Variants in ETS1 observed in about 807,000 individuals in gnomAD.
ETS1 encodes protein C-ets-1.
A neutral mutation model predicts 58.6 loss-of-function variants in ETS1; 15 were observed. The observed-to-expected ratio is 0.26, with a 90% CI of 0.17 to 0.39. The LOEUF is 0.39. Among genes scored for constraint, ETS1 ranks in the 10% least tolerant of loss-of-function variants. The pLI is 1.00. For missense variants in ETS1, 417 were observed against 610.5 expected, an observed-to-expected ratio of 0.68 and a Z score of 3.34; for synonymous variants, 214 against 218.2, an observed-to-expected ratio of 0.98 and a Z score of 0.17.
chr11:128,526,209 C>G (rs983340253), intron 3 of ETS1: 1 of 152,092 alleles, frequency 6.6e-6, no homozygotes, highest in Non-Finnish European at 1.5e-5. Flanking sequence ...GCCTGTTTGC[C>G]CTGGAAAGCT....
intron 3 of ETS1, among the ~76,000 whole-genome samples, chr11:128,509,075 A>G (rs1863319798): frequency 6.6e-6 from 1 of 152,186 alleles, no homozygotes; most frequent in African/African-American, 2.4e-5. Flanking sequence ...CGGTTCACCC[A>G]GCACCCCAGA....
intron 3 of ETS1, among the ~76,000 whole-genome samples, chr11:128,538,585 G>C (rs957489822): frequency 6.6e-6 from 1 of 152,126 alleles, no homozygotes; most frequent in African/African-American, 2.4e-5. Context: ...AAATCTCCCT[G>C]CCTGAAAAAT....
chr11:128,502,359 C>T (rs111623709), intron 3 of ETS1, among the ~76,000 whole-genome samples: 1 of 152,214 alleles, frequency 6.6e-6, no homozygotes, highest in African/African-American at 2.4e-5. Flanking sequence ...CTGCTCTGCC[C>T]AGCCCAAAGC....
chr11:128,521,800 G>T (rs1863678948), intron 3 of ETS1: 1 of 756,422 alleles, frequency 1.3e-6, no homozygotes, highest in Non-Finnish European at 2.1e-6. Flanking sequence ...AGCATCCCCC[G>T]CTCCTGAAGA....
intron 3 of ETS1, among the ~76,000 whole-genome samples, chr11:128,490,885 G>C (rs1484753257): frequency 6.6e-6 from 1 of 151,544 alleles, no homozygotes; most frequent in Non-Finnish European, 1.5e-5. Context: ...TGCCCAGCTA[G>C]TTTTTTTTAT....
rs151123014 is a variant in ETS1 at position 128,547,459 on chromosome 11, T to C, written c.214+8832A>G. 6.5e-3 allele frequency among the ~76,000 whole-genome samples: 996 copies of C among 152,232 alleles called. 4 individuals are homozygous for C. The highest frequency in any genetic ancestry group is 9.8e-3 in the Non-Finnish European group (669 of 67,998). ...AAGACATGGCAGAAAGTTGTCAAGA[T>C]TGATGTTTTAAAAATGTATGAGGTA... On this transcript the variant is annotated intron_variant, in intron 3 of 9. Transcript: ENST00000392668.
chr11:128,567,547 T>C (rs1864528438), intron 2 of ETS1, among the ~76,000 whole-genome samples: 1 of 152,220 alleles, frequency 6.6e-6, no homozygotes, highest in Non-Finnish European at 1.5e-5. Flanking sequence ...ATAGGGACCA[T>C]GTTTTAAGAG....
At chr11:128,485,589 T>C (rs753573550) in intron 6 of ETS1, among the ~76,000 whole-genome samples, 3 of 152,176 alleles carry the variant, frequency 2.0e-5, no homozygotes, top group Non-Finnish European at 4.4e-5. Flanking sequence ...TTCAGTATGG[T>C]TGGGTATCTT....
chr11:128,528,381 A>G (rs192807297), intron 3 of ETS1, among the ~76,000 whole-genome samples: 1 of 152,318 alleles, frequency 6.6e-6, no homozygotes, highest in Non-Finnish European at 1.5e-5. Flanking sequence ...TCTAGGCAGA[A>G]TATAGAGTGT....
intron 2 of ETS1, among the ~76,000 whole-genome samples, chr11:128,568,238 C>T (rs887112279): frequency 1.8e-4 from 27 of 152,188 alleles, no homozygotes; most frequent in African/African-American, 5.3e-4. Flanking sequence ...CTCCTCCGCA[C>T]ATCCTCCTTG....
At chr11:128,480,732 C>T (rs557149999) in intron 7 of ETS1, among the ~76,000 whole-genome samples, 4 of 152,246 alleles carry the variant, frequency 2.6e-5, no homozygotes, top group African/African-American at 7.2e-5. Flanking sequence ...TCACATCTGT[C>T]GGAGTAGCGT....
chr11:128,533,109 G>A (rs11825217), intron 3 of ETS1, among the ~76,000 whole-genome samples: 43,886 of 152,068 alleles, frequency 0.29, 7,169 homozygotes, highest in Middle Eastern at 0.43. Context: ...TGGTGAGTTT[G>A]TTCACGCTCC....
intron 3 of ETS1, among the ~76,000 whole-genome samples, chr11:128,511,860 C>A (rs1863401357): frequency 6.6e-6 from 1 of 152,204 alleles, no homozygotes; most frequent in Non-Finnish European, 1.5e-5. Flanking sequence ...TGCCCTGGAA[C>A]CTTGGGAGGG....
chr11:128,585,100 AAAGGAAGGAAGGAAGGAAAGAAAG>A lies in ETS1; in HGVS notation c.-15+2364_-15+2387del, dbSNP rs1565421503. Among the ~76,000 whole-genome samples, 14 of 29,420 alleles carry A rather than the reference AAAGGAAGGAAGGAAGGAAAGAAAG, an allele frequency of 4.8e-4. 1 individual carries two copies. The highest frequency in any genetic ancestry group is 1.3e-3 in the African/African-American group (4 of 3,016). The allele number at this position is 29,420 out of a possible 152,430, so 19.3% of individuals were successfully genotyped here. On this transcript the variant is annotated intron_variant, in intron 1 of 9. Coordinates refer to ENST00000392668, the MANE Select transcript of ETS1 (RefSeq NM_001143820.2). ...AGAGAAAGAAAGAAAGGAAAGAAAG[AAAGGAAGGAAGGAAGGAAAGAAAG>A]AAGAAAGAAAGAAAAGAAAGAAAGA...
rs1416556092 is a variant in ETS1 at position 128,462,675 on chromosome 11, G to A, written c.1243-99C>T. 3 of 818,712 alleles carry A rather than the reference G, an allele frequency of 3.7e-6. No homozygotes were observed. In the Admixed American group the frequency reaches 7.1e-5, roughly 19 times the overall value. 50.7% of individuals were successfully genotyped at this position (818,712 alleles called of 1,614,324 possible). A position where few individuals can be genotyped will look rare whatever the true frequency, so the allele number is the denominator to read the frequency against. ...TGCCTATGCTATACCCATTCATGGT[G>A]ACCCATGATGCTCAAGTAAGATGAT... On this transcript the variant is annotated intron_variant, in intron 9 of 9. Coordinates refer to ENST00000392668, the MANE Select transcript of ETS1 (RefSeq NM_001143820.2).
chr11:128,539,358 A>C (rs1864020765), intron 3 of ETS1, among the ~76,000 whole-genome samples: 1 of 152,274 alleles, frequency 6.6e-6, no homozygotes, highest in African/African-American at 2.4e-5. Context: ...AACAATAAAA[A>C]GACAACCCAA....
chr11:128,549,372 G>T lies in ETS1; in HGVS notation c.214+6919C>A, dbSNP rs1864192685. 6.6e-6 allele frequency among the ~76,000 whole-genome samples: 1 copy of T among 152,154 alleles called. No homozygotes were observed. Among genetic ancestry groups the T allele is most frequent in the Non-Finnish European group, 1.5e-5 (1 of 68,030 alleles). On this transcript the variant is annotated intron_variant, in intron 3 of 9. Transcript: ENST00000392668. This position sits in a 1 kb window ranked among gnomAD's most constrained non-coding sequence, Gnocchi z 4.3. ...AGTGCCGCGGCCGGAGCCGAGCGGG[G>T]CCTGACGCCAGCCGGCGGCGTCCAC...
At chr11:128,469,057 C>A (rs1862116069) in intron 8 of ETS1, among the ~76,000 whole-genome samples, 1 of 152,334 alleles carries the variant, frequency 6.6e-6, no homozygotes, top group South Asian at 2.1e-4. Context: ...CAAATGGCTT[C>A]TCTCTATTAA....
At chr11:128,492,895 A>C (rs1862840852) in intron 3 of ETS1, among the ~76,000 whole-genome samples, 1 of 152,226 alleles carries the variant, frequency 6.6e-6, no homozygotes, top group Admixed American at 6.5e-5. Flanking sequence ...GGCTAAACAC[A>C]CAAGTCAATC....
Sources: gnomAD v4.1 joint callset for allele counts (sites outside exome capture counted in the v4.1 genomes callset) on GRCh38, gnomAD v4.1.1 for gene constraint, Gnocchi (gnomAD v3.1) non-coding constraint, MANE v1.5 for transcripts, NCBI Gene and HGNC (gene_info 2026-07-23, HGNC 2026-07-21) for gene names.